ADAMTS6: variants seen among roughly 807,000 people sequenced by gnomAD.
The protein encoded by ADAMTS6 is ADAM metallopeptidase with thrombospondin type 1 motif 6.
ADAMTS6 carries 23 observed loss-of-function variants against 144.3 expected under a neutral mutation model. The observed-to-expected ratio is 0.16, with a 90% CI of 0.11 to 0.23. The LOEUF (loss-of-function observed/expected upper bound fraction) is 0.23, where lower values mean the gene tolerates loss of function less well. Among genes scored for constraint, ADAMTS6 ranks in the 10% least tolerant of loss-of-function variants. The pLI is 1.00. For synonymous variants in ADAMTS6, 444 were observed against 457.5 expected, an observed-to-expected ratio of 0.97 and a Z score of 0.38; for missense variants, 999 against 1,379.6, an observed-to-expected ratio of 0.72 and a Z score of 4.37.
intron 22 of ADAMTS6, among the ~76,000 whole-genome samples, chr5:65,175,993 T>C (rs1405681344): frequency 6.6e-6 from 1 of 152,154 alleles, no homozygotes; most frequent in Non-Finnish European, 1.5e-5. Context: ...TAAAGTTTGC[T>C]AAAAGTTAAC....
At chr5:65,468,502 T>A (rs756196837) in intron 3 of ADAMTS6, among the ~76,000 whole-genome samples, 83 of 151,164 alleles carry the variant, frequency 5.5e-4, no homozygotes, top group African/African-American at 1.9e-3. Context: ...AAAACTGGTG[T>A]GTAAAAGTGT....
chr5:65,269,833 C>T (rs1418332812), intron 12 of ADAMTS6, among the ~76,000 whole-genome samples: 2 of 149,244 alleles, frequency 1.3e-5, no homozygotes, highest in Admixed American at 1.3e-4. Flanking sequence ...GCTCTGTTGC[C>T]CAGGCTGGAG....
chr5:65,475,716 G>GA (rs950637889), intron 1 of ADAMTS6, among the ~76,000 whole-genome samples: 2 of 151,834 alleles, frequency 1.3e-5, no homozygotes, highest in East Asian at 1.9e-4. Context: ...TAGATAACCA[G>GA]AAAAAAATGG....
intron 7 of ADAMTS6, among the ~76,000 whole-genome samples, chr5:65,420,388 A>T (rs1320347422): frequency 6.6e-6 from 1 of 150,520 alleles, no homozygotes; most frequent in African/African-American, 2.4e-5. Context: ...TTCGATCTGA[A>T]TTTTTTTTTT....
intron 9 of ADAMTS6, among the ~76,000 whole-genome samples, chr5:65,316,387 T>C (rs1745000523): frequency 6.6e-6 from 1 of 152,178 alleles, no homozygotes; most frequent in South Asian, 2.1e-4. Flanking sequence ...AAATGAAATA[T>C]TTTTAAAATA....
intron 3 of ADAMTS6, among the ~76,000 whole-genome samples, chr5:65,467,708 G>A (rs1760132448): frequency 6.6e-6 from 1 of 152,092 alleles, no homozygotes; most frequent in Non-Finnish European, 1.5e-5. Context: ...GGCTGCATAA[G>A]GTCCCTTTCA....
At chr5:65,303,992 G>C (rs1052043306) in intron 9 of ADAMTS6, among the ~76,000 whole-genome samples, 1 of 152,106 alleles carries the variant, frequency 6.6e-6, no homozygotes, top group Non-Finnish European at 1.5e-5. Context: ...TAAAAAATCA[G>C]ATGTATGTAA....
intron 3 of ADAMTS6, among the ~76,000 whole-genome samples, chr5:65,464,938 C>G (rs1041380297): frequency 2.0e-5 from 3 of 152,202 alleles, no homozygotes; most frequent in African/African-American, 7.2e-5. Context: ...ACTTCCCTCA[C>G]AACCCAGCTT....
At chr5:65,243,334 C>T (rs1198460360) in intron 14 of ADAMTS6, among the ~76,000 whole-genome samples, 1 of 152,004 alleles carries the variant, frequency 6.6e-6, no homozygotes, top group African/African-American at 2.4e-5. Flanking sequence ...TAAATGGTCA[C>T]TTTGAAGAAT....
intron 24 of ADAMTS6, among the ~76,000 whole-genome samples, chr5:65,154,775 T>C (rs571723971): frequency 6.6e-6 from 1 of 152,356 alleles, no homozygotes; most frequent in East Asian, 1.9e-4. Context: ...TTAGTTCTCA[T>C]TATTAACAGC....
intron 24 of ADAMTS6, among the ~76,000 whole-genome samples, chr5:65,153,814 G>A (rs999841053): frequency 1.3e-5 from 2 of 152,140 alleles, no homozygotes; most frequent in Non-Finnish European, 2.9e-5. Flanking sequence ...CAAATTAGAA[G>A]TAAATTCACC....
At chr5:65,189,682 G>T (rs986072148) in intron 21 of ADAMTS6, among the ~76,000 whole-genome samples, 2 of 152,170 alleles carry the variant, frequency 1.3e-5, no homozygotes, top group South Asian at 2.1e-4. Flanking sequence ...TACGTTCAAG[G>T]CATTGTGCTT....
chr5:65,210,714 C>T lies in ADAMTS6; in HGVS notation c.2575+4080G>A, dbSNP rs571917564. On this transcript the variant is annotated intron_variant, in intron 20 of 24. Transcript: ENST00000381055. ...TTAATGTGGAAGTACACCAGAAGCA[C>T]ATCATGGGCCAGAATGTTTCAGATT... The T allele has an allele frequency of 2.6e-4, 167 of 646,358 alleles. No individual in the cohort carries two copies. In the African/African-American group the frequency reaches 2.6e-3, roughly 10 times the overall value. The allele number at this position is 646,358 out of a possible 1,614,324, so 40.0% of individuals were successfully genotyped here.
At chr5:65,460,609 A>C (rs865869987) in intron 3 of ADAMTS6, among the ~76,000 whole-genome samples, 1 of 152,238 alleles carries the variant, frequency 6.6e-6, no homozygotes. Flanking sequence ...CGACTCTGTG[A>C]GGTAACAGAT....
At chr5:65,437,323 T>A (rs891693017) in intron 7 of ADAMTS6, among the ~76,000 whole-genome samples, 15 of 152,086 alleles carry the variant, frequency 9.9e-5, no homozygotes, top group Admixed American at 2.0e-4. Flanking sequence ...CTCGATATCC[T>A]GACCTCGTGA....
At chr5:65,303,107 A>G (rs777756113) in intron 9 of ADAMTS6, among the ~76,000 whole-genome samples, 17 of 152,314 alleles carry the variant, frequency 1.1e-4, no homozygotes, top group South Asian at 2.1e-4. Flanking sequence ...TAATTAAACC[A>G]TATCAGGTAG....
chr5:65,268,986 A>G (rs140650664), intron 12 of ADAMTS6, among the ~76,000 whole-genome samples: 119 of 151,988 alleles, frequency 7.8e-4, no homozygotes, highest in African/African-American at 2.8e-3. Flanking sequence ...GACAGTGTAT[A>G]GGTTCTTTCC....
At chr5:65,256,836 A>AT (rs1760700110) in intron 14 of ADAMTS6, among the ~76,000 whole-genome samples, 1 of 152,064 alleles carries the variant, frequency 6.6e-6, no homozygotes, top group Admixed American at 6.6e-5. Flanking sequence ...AGTGTGATAT[A>AT]TTGTAGATAG....
intron 24 of ADAMTS6, among the ~76,000 whole-genome samples, chr5:65,156,850 C>T (rs1018583492): frequency 5.3e-5 from 8 of 152,232 alleles, no homozygotes; most frequent in Non-Finnish European, 8.8e-5. Flanking sequence ...ACAAGACACC[C>T]TTTCTACCCT....
Sources: allele counts gnomAD v4.1 joint callset (sites outside exome capture counted in the v4.1 genomes callset), GRCh38; gene constraint gnomAD v4.1.1; transcripts MANE v1.5; gene names NCBI Gene and HGNC (gene_info 2026-07-23, HGNC 2026-07-21).